Variants in ARNT observed in about 807,000 individuals in gnomAD.
The protein encoded by ARNT is class E basic helix-loop-helix protein 2.
ARNT carries 30 observed loss-of-function variants against 105.0 expected under a neutral mutation model. The ratio of observed to expected loss-of-function variants is 0.29; its 90% confidence interval spans 0.21 to 0.39. The LOEUF (loss-of-function observed/expected upper bound fraction) is 0.39. Among genes scored for constraint, ARNT ranks in the 10% least tolerant of loss-of-function variants. ARNT has a pLI of 1.00. For missense variants in ARNT, 748 were observed against 978.7 expected (o/e 0.76, Z 3.15); for synonymous variants, 304 against 344.0 (o/e 0.88, Z 1.29).
At chr1:150,873,205 C>A (rs1282259651) in intron 1 of ARNT, among the ~76,000 whole-genome samples, 3 of 151,346 alleles carry the variant, frequency 2.0e-5, no homozygotes, top group Non-Finnish European at 4.4e-5. Flanking sequence ...AGGAGAATGG[C>A]GTGAACCTGG....
At chr1:150,826,502 T>C (rs1438118654) in intron 13 of ARNT, 41 bp downstream of exon 13, 2 of 1,500,580 alleles carry the variant, frequency 1.3e-6, no homozygotes, top group Non-Finnish European at 1.9e-6. Context: ...GGAGTGAATA[T>C]GACAAATATT....
chr1:150,848,792 A>G (rs1305820339), intron 3 of ARNT, among the ~76,000 whole-genome samples: 1 of 152,158 alleles, frequency 6.6e-6, no homozygotes, highest in Non-Finnish European at 1.5e-5. Flanking sequence ...TCAGCCTCCT[A>G]AAGTGCTGGG....
intron 1 of ARNT, among the ~76,000 whole-genome samples, chr1:150,871,764 C>G (rs2102489929): frequency 6.7e-6 from 1 of 150,364 alleles, no homozygotes; most frequent in South Asian, 2.1e-4. Context: ...AAAAAATTAG[C>G]CGGCGTGATG....
chr1:150,828,673 C>T (rs997204748), intron 12 of ARNT, among the ~76,000 whole-genome samples: 6 of 152,028 alleles, frequency 3.9e-5, no homozygotes, highest in Admixed American at 3.9e-4. Context: ...TTATATGATG[C>T]GTCAATTCAG....
chr1:150,855,928 G>A (rs1664522039), intron 2 of ARNT, among the ~76,000 whole-genome samples: 1 of 151,544 alleles, frequency 6.6e-6, no homozygotes, highest in Non-Finnish European at 1.5e-5. Flanking sequence ...TGTGTGTATT[G>A]CTTATTATTT....
Position 150,811,590 on chromosome 1 carries a change from T to C in ARNT, c.*431A>G, listed in dbSNP as rs1403827195. On this transcript the variant is annotated 3_prime_UTR_variant, in exon 22 of 22. Coordinates refer to ENST00000358595, the MANE Select transcript of ARNT (RefSeq NM_001668.4). ...GCTAAAGCCCCATATATACCTACAA[T>C]GTTTCATGGTCCTCAAATATGAGGA... The C allele has an allele frequency of 8.6e-6, 2 of 233,750 alleles. No individual in the cohort carries two copies. The highest frequency in any genetic ancestry group is 1.7e-5 in the Non-Finnish European group (2 of 118,324). The allele number at this position is 233,750 out of a possible 1,614,324, so 14.5% of individuals were successfully genotyped here.
At chr1:150,812,932 A>G (rs1162365905) in intron 21 of ARNT, among the ~76,000 whole-genome samples, 1 of 152,184 alleles carries the variant, frequency 6.6e-6, no homozygotes, top group Non-Finnish European at 1.5e-5. Flanking sequence ...TCATGGCCTC[A>G]AGTGATCCCC....
intron 1 of ARNT, among the ~76,000 whole-genome samples, chr1:150,858,918 C>T (rs982182087): frequency 4.0e-5 from 6 of 151,800 alleles, no homozygotes; most frequent in Admixed American, 2.6e-4. Flanking sequence ...CCACCACACA[C>T]GGTCTCTTCT....
At chr1:150,829,465 T>C (rs1658922363) in intron 11 of ARNT, 1 of 600,112 alleles carries the variant, frequency 1.7e-6, no homozygotes, top group Non-Finnish European at 3.0e-6. Context: ...ATAAAGTTTA[T>C]TCAATCTAAA....
At chr1:150,873,006 C>T (rs1042591390) in intron 1 of ARNT, among the ~76,000 whole-genome samples, 3 of 151,624 alleles carry the variant, frequency 2.0e-5, no homozygotes, top group Admixed American at 6.6e-5. Flanking sequence ...TAGTCCGGGC[C>T]GGGCACGGTG....
chr1:150,812,255 CTT>C, intron 21 of ARNT, 145 bp from the exon 22 acceptor site: 1 of 469,878 alleles, frequency 2.1e-6, no homozygotes. Context: ...CTTCCAACAA[CTT>C]TGACTCCTTT....
In ARNT at chr1:150,836,440, T is replaced by C. The variant is rs1660336435; in HGVS notation, c.540A>G (p.Ser180=). ...EAADGFLFIV[S]CETGRVVYVS... ...CATACACCACCCTGCCTGTCTCACA[T>C]GAGACAATAAACAGAAAGCCATCTG... The change falls in exon 7 of 22, where the codon TCA becomes TCG. Residue 180 remains serine (S), a synonymous_variant. Coordinates refer to ENST00000358595, the MANE Select transcript of ARNT (RefSeq NM_001668.4). The C allele has an allele frequency of 3.7e-6, 6 of 1,614,002 alleles. No individual in the cohort carries two copies. Among genetic ancestry groups the C allele is most frequent in the Non-Finnish European group, 5.1e-6 (6 of 1,180,032 alleles).
At chr1:150,871,907 CAAAAAAAAAAAAAA>C (rs776523588) in intron 1 of ARNT, among the ~76,000 whole-genome samples, 4 of 40,086 alleles carry the variant, frequency 1.0e-4, no homozygotes, top group Non-Finnish European at 8.3e-5. Flanking sequence ...GACCCTGTCT[CAAAAAAAAAAAAAA>C]AAAAAAAAAA....
chr1:150,843,294 C>T lies in ARNT; in HGVS notation c.228-826G>A, dbSNP rs138114365. Among the ~76,000 whole-genome samples, 20 of 152,198 alleles carry T rather than the reference C, an allele frequency of 1.3e-4. No homozygotes were observed. The East Asian group carries it at 3.9e-3, about 29-fold the overall frequency. On this transcript the variant is annotated intron_variant, in intron 4 of 21. Transcript: ENST00000358595. ...GAGATACTGTAATGATGGGTGGCAACTGAGGAAATAGCAAGGTGTTGGCAG... is the reference window on the plus strand; with the variant it reads ...GAGATACTGTAATGATGGGTGGCAATTGAGGAAATAGCAAGGTGTTGGCAG...
chr1:150,835,876 A>G (rs959106029), intron 7 of ARNT, among the ~76,000 whole-genome samples: 3 of 152,160 alleles, frequency 2.0e-5, no homozygotes, highest in East Asian at 3.8e-4. Context: ...ACCAATAACC[A>G]TATCTATAGA....
intron 2 of ARNT, among the ~76,000 whole-genome samples, chr1:150,856,493 T>C (rs1664637969): frequency 6.6e-6 from 1 of 151,934 alleles, no homozygotes. Flanking sequence ...CCGGGCATGG[T>C]GGCTCATGCC....
intron 14 of ARNT, among the ~76,000 whole-genome samples, chr1:150,822,608 A>G (rs1445836328): frequency 6.6e-6 from 1 of 152,136 alleles, no homozygotes; most frequent in African/African-American, 2.4e-5. Flanking sequence ...TGCCCTATCT[A>G]TCTCTTCATC....
chr1:150,837,014 C>T (rs1660453693), intron 6 of ARNT, among the ~76,000 whole-genome samples: 1 of 151,698 alleles, frequency 6.6e-6, no homozygotes, highest in Non-Finnish European at 1.5e-5. Flanking sequence ...TGCAGTGAGC[C>T]GAGATCATAC....
intron 20 of ARNT, among the ~76,000 whole-genome samples, chr1:150,813,585 A>C (rs1655189837): frequency 6.6e-6 from 1 of 151,914 alleles, no homozygotes; most frequent in Non-Finnish European, 1.5e-5. Flanking sequence ...AATGTATAAA[A>C]ATTCACATGA....
Sources: allele counts gnomAD v4.1 joint callset (sites outside exome capture counted in the v4.1 genomes callset), GRCh38; gene constraint gnomAD v4.1.1; transcripts MANE v1.5; gene names NCBI Gene and HGNC (gene_info 2026-07-23, HGNC 2026-07-21).